Variants in GRIK2 observed in about 807,000 individuals in gnomAD.
GRIK2 encodes the protein glutamate receptor ionotropic, kainate 2.
Under a neutral mutation model 100.3 loss-of-function variants are expected in GRIK2, and 32 were observed. The ratio of observed to expected loss-of-function variants is 0.32; its 90% CI spans 0.24 to 0.43. The LOEUF (loss-of-function observed/expected upper bound fraction) is 0.43, where lower values mean the gene tolerates loss of function less well. GRIK2 is among the 20% of genes least tolerant of loss of function. The pLI is 1.00. For missense variants in GRIK2, 843 were observed against 1,114.9 expected (o/e 0.76, Z 3.47); for synonymous variants, 417 against 389.4 (o/e 1.07, Z -0.83).
In GRIK2 at chr6:101,553,128, C is replaced by A. The variant is rs567227555; in HGVS notation, c.116-68821C>A. ...GAAGCTCACATTTTTAGAAAGGAGG[C>A]AGAAAAAGAAAACAATTGAGTACAA... On this transcript the variant is annotated intron_variant, in intron 2 of 16. Transcript: ENST00000369134. Among the ~76,000 whole-genome samples the A allele has an allele frequency of 2.0e-3, 297 of 152,000 alleles. 2 individuals are homozygous for A. The highest frequency in any genetic ancestry group is 2.0e-3 in the Non-Finnish European group (135 of 67,954).
chr6:101,802,458 T>C lies in GRIK2; in HGVS notation c.1203+20T>C. 9.5e-7 allele frequency: 1 copy of C among 1,049,700 alleles called. No homozygotes were observed. Among genetic ancestry groups the C allele is most frequent in the Non-Finnish European group, 1.4e-6 (1 of 700,846 alleles). 65.0% of individuals were successfully genotyped at this position (1,049,700 alleles called of 1,614,324 possible). Reference sequence around the variant, plus strand: ...GAAAAGGTATTTCAGTGAGCTTATTTGCTTTAATTACTAAATGAAACATAT... The same window carrying C: ...GAAAAGGTATTTCAGTGAGCTTATTCGCTTTAATTACTAAATGAAACATAT... On this transcript the variant is annotated intron_variant, in intron 9 of 16. Coordinates refer to ENST00000369134, the MANE Select transcript of GRIK2 (RefSeq NM_021956.5).
At chr6:101,944,146 A>G (rs918865298) in intron 14 of GRIK2, among the ~76,000 whole-genome samples, 6 of 152,100 alleles carry the variant, frequency 3.9e-5, no homozygotes, top group East Asian at 1.9e-4. Flanking sequence ...TCCTGCTACC[A>G]TGTAAGGCAT....
chr6:102,056,529 A>C (rs1410215055), intron 16 of GRIK2, among the ~76,000 whole-genome samples: 1 of 152,016 alleles, frequency 6.6e-6, no homozygotes, highest in Non-Finnish European at 1.5e-5. Context: ...TTTTAGACTT[A>C]ACTTTAACCA....
intron 7 of GRIK2, among the ~76,000 whole-genome samples, chr6:101,760,405 A>G (rs1394376654): frequency 7.7e-5 from 4 of 51,762 alleles, no homozygotes; most frequent in Non-Finnish European, 1.1e-4. Flanking sequence ...TTAATTATAT[A>G]TTTATTATAT....
chr6:101,928,330 T>A, intron 13 of GRIK2, 85 bp from the exon 14 acceptor site: 1 of 743,422 alleles, frequency 1.3e-6, no homozygotes, highest in Non-Finnish European at 2.4e-6. Flanking sequence ...TACACAGTGA[T>A]TCCATTCTGC....
chr6:101,817,841 G>A (rs752993636), intron 9 of GRIK2, among the ~76,000 whole-genome samples: 16 of 152,142 alleles, frequency 1.1e-4, no homozygotes, highest in South Asian at 2.1e-4. Flanking sequence ...GCAAAGATGC[G>A]TTTTTAAATC....
At chr6:101,891,304 G>A (rs1787065548) in intron 12 of GRIK2, among the ~76,000 whole-genome samples, 1 of 151,856 alleles carries the variant, frequency 6.6e-6, no homozygotes, top group African/African-American at 2.4e-5. Context: ...GGATCACAAA[G>A]TCAGGAGATT....
At chr6:101,794,038 T>A (rs989013711) in intron 7 of GRIK2, among the ~76,000 whole-genome samples, 1 of 152,190 alleles carries the variant, frequency 6.6e-6, no homozygotes, top group African/African-American at 2.4e-5. Flanking sequence ...AATCTCCTGG[T>A]GCGCCATTTC....
chr6:101,442,475 T>C (rs1041555634), intron 2 of GRIK2, among the ~76,000 whole-genome samples: 1 of 152,138 alleles, frequency 6.6e-6, no homozygotes. Flanking sequence ...AGCCCTTTTT[T>C]ACTTGGCTGT....
At chr6:101,694,700 G>T (rs1272691417) in intron 7 of GRIK2, among the ~76,000 whole-genome samples, 1 of 151,908 alleles carries the variant, frequency 6.6e-6, no homozygotes, top group Non-Finnish European at 1.5e-5. Flanking sequence ...TATGTTTTCT[G>T]GCTACTAGTT....
At chr6:101,800,377 C>T (rs1315866517) in intron 8 of GRIK2, among the ~76,000 whole-genome samples, 1 of 151,782 alleles carries the variant, frequency 6.6e-6, no homozygotes, top group Non-Finnish European at 1.5e-5. Flanking sequence ...ATCATACATA[C>T]ATACATATAT....
intron 4 of GRIK2, among the ~76,000 whole-genome samples, chr6:101,655,010 A>G (rs925731081): frequency 6.6e-6 from 1 of 152,152 alleles, no homozygotes; most frequent in African/African-American, 2.4e-5. Context: ...TGAATACTAT[A>G]AAACTATAGC....
intron 14 of GRIK2, among the ~76,000 whole-genome samples, chr6:101,951,705 T>C (rs1177252524): frequency 6.6e-6 from 1 of 152,166 alleles, no homozygotes; most frequent in Non-Finnish European, 1.5e-5. Flanking sequence ...TGAATAAGTC[T>C]CATGAGATCT....
At chr6:101,871,728 C>T (rs998444968) in intron 11 of GRIK2, among the ~76,000 whole-genome samples, 27 of 151,902 alleles carry the variant, frequency 1.8e-4, no homozygotes, top group Non-Finnish European at 3.1e-4. Context: ...TTTATGGCTA[C>T]GTAGAGTTCC....
chr6:101,530,762 T>C (rs375495356), intron 2 of GRIK2, among the ~76,000 whole-genome samples: 181 of 152,116 alleles, frequency 1.2e-3, no homozygotes, highest in African/African-American at 4.2e-3. Flanking sequence ...AAGAGGTTAC[T>C]GCAATAATCT....
At chr6:101,666,095 C>T (rs897599487) in intron 4 of GRIK2, among the ~76,000 whole-genome samples, 1 of 152,052 alleles carries the variant, frequency 6.6e-6, no homozygotes, top group Non-Finnish European at 1.5e-5. Context: ...TTCAGGGGTC[C>T]CAAAGATTAC....
intron 7 of GRIK2, among the ~76,000 whole-genome samples, chr6:101,712,767 A>T (rs1363847998): frequency 1.3e-5 from 2 of 151,824 alleles, no homozygotes; most frequent in Non-Finnish European, 2.9e-5. Context: ...TGCTCAAATC[A>T]TTGTTCAACA....
intron 11 of GRIK2, among the ~76,000 whole-genome samples, chr6:101,863,391 C>T (rs1784847837): frequency 2.0e-5 from 3 of 152,128 alleles, no homozygotes; most frequent in Admixed American, 2.0e-4. Flanking sequence ...TGTTTAATGT[C>T]CATCCCCAGA....
intron 2 of GRIK2, among the ~76,000 whole-genome samples, chr6:101,561,474 G>A (rs867614365): frequency 2.6e-5 from 4 of 152,126 alleles, no homozygotes; most frequent in South Asian, 4.2e-4. Context: ...TTGTATAGTA[G>A]GGAAGTTATA....
Sources: allele counts gnomAD v4.1 joint callset (sites outside exome capture counted in the v4.1 genomes callset), GRCh38; gene constraint gnomAD v4.1.1; transcripts MANE v1.5; gene names NCBI Gene and HGNC (gene_info 2026-07-23, HGNC 2026-07-21).